VPS53: variants seen among roughly 807,000 people sequenced by gnomAD.
The protein encoded by VPS53 is vacuolar protein sorting-associated protein 53 homolog.
A neutral mutation model predicts 107.0 loss-of-function variants in VPS53; 70 were observed. The observed-to-expected ratio is 0.65, with a 90% confidence interval of 0.54 to 0.80. The LOEUF is 0.80. Among genes scored for constraint, VPS53 ranks in the 30% least tolerant of loss-of-function variants. VPS53 has a pLI of 0.00. For synonymous variants in VPS53, 409 were observed against 393.3 expected (o/e 1.04, Z -0.47); for missense variants, 917 against 1,049.4 (o/e 0.87, Z 1.74).
At chr17:624,460 G>A (rs1365588023) in intron 10 of VPS53, among the ~76,000 whole-genome samples, 1 of 152,210 alleles carries the variant, frequency 6.6e-6, no homozygotes, top group East Asian at 1.9e-4. Context: ...CATCTCAGAA[G>A]CTCAGTTGCT....
chr17:629,479 T>C (rs1466511494), intron 8 of VPS53, among the ~76,000 whole-genome samples: 2 of 152,110 alleles, frequency 1.3e-5, no homozygotes, highest in Non-Finnish European at 2.9e-5. Flanking sequence ...AAAACTAGGC[T>C]GGGAGCGGTG....
intron 17 of VPS53, among the ~76,000 whole-genome samples, chr17:542,642 CAATT>C (rs910327715): frequency 2.0e-5 from 3 of 152,046 alleles, no homozygotes; most frequent in Admixed American, 2.0e-4. Context: ...AGATATGTAT[CAATT>C]AATTGAAATT....
chr17:525,707 A>G (rs1322147409), intron 19 of VPS53, among the ~76,000 whole-genome samples: 1 of 151,538 alleles, frequency 6.6e-6, no homozygotes, highest in Non-Finnish European at 1.5e-5. Context: ...AGAAAAGAAA[A>G]AAAAAATGGG....
intron 13 of VPS53, among the ~76,000 whole-genome samples, chr17:566,246 C>A (rs544227732): frequency 6.1e-4 from 93 of 152,126 alleles, no homozygotes; most frequent in Non-Finnish European, 1.0e-3. Context: ...TATCTTCTCC[C>A]ATCCTGGGCC....
intron 8 of VPS53, among the ~76,000 whole-genome samples, chr17:629,410 C>T (rs1435561977): frequency 6.6e-6 from 1 of 152,164 alleles, no homozygotes; most frequent in African/African-American, 2.4e-5. Context: ...TTAATTCCCA[C>T]TTGTGAAATG....
chr17:585,844 T>C (rs1967282993), intron 13 of VPS53, among the ~76,000 whole-genome samples: 1 of 152,226 alleles, frequency 6.6e-6, no homozygotes, highest in Non-Finnish European at 1.5e-5. Flanking sequence ...GAGGAGGGCA[T>C]GTGAAAATTT....
chr17:644,775 G>A (rs543419298), intron 7 of VPS53, among the ~76,000 whole-genome samples: 1 of 152,026 alleles, frequency 6.6e-6, no homozygotes, highest in African/African-American at 2.4e-5. Flanking sequence ...GTAGAGACAG[G>A]GTTTCACCAT....
At chr17:561,406 T>C (rs1049011713) in intron 14 of VPS53, among the ~76,000 whole-genome samples, 1 of 152,180 alleles carries the variant, frequency 6.6e-6, no homozygotes, top group African/African-American at 2.4e-5. Flanking sequence ...AGTATGCCAT[T>C]TTTTTCTGCT....
chr17:610,753 T>TAAAAAAA (rs34089454), intron 11 of VPS53, among the ~76,000 whole-genome samples: 2 of 128,890 alleles, frequency 1.6e-5, no homozygotes, highest in African/African-American at 2.9e-5. Flanking sequence ...CCGCCTCTAC[T>TAAAAAAA]AAAAAAAAAA....
At chr17:660,024 C>A (rs558766764) in intron 5 of VPS53, among the ~76,000 whole-genome samples, 2 of 152,138 alleles carry the variant, frequency 1.3e-5, no homozygotes, top group Non-Finnish European at 2.9e-5. Flanking sequence ...ATGGTTGATT[C>A]GCCTCAACTG....
At chr17:542,250 A>G (rs1176305228) in intron 17 of VPS53, among the ~76,000 whole-genome samples, 5 of 152,220 alleles carry the variant, frequency 3.3e-5, no homozygotes, top group African/African-American at 1.2e-4. Context: ...ATAAATGAGG[A>G]TGAAACAGGA....
rs574574327 is a variant in VPS53, at chr17:713,777, C to T, written c.87+846G>A. ...AGGCAGGGCCGCGCGTGGTGGCTCA[C>T]GCCTGTAATCCCAGCACTTTGGGAG... On this transcript the variant is annotated intron_variant, in intron 1 of 21. Transcript: ENST00000437048. 1.2e-4 allele frequency among the ~76,000 whole-genome samples: 18 copies of T among 152,156 alleles called. No individual in the cohort carries two copies. In the South Asian group the frequency reaches 3.5e-3, roughly 30 times the overall value.
chr17:620,276 G>T (rs765094832), intron 11 of VPS53, among the ~76,000 whole-genome samples: 2 of 152,186 alleles, frequency 1.3e-5, no homozygotes, highest in African/African-American at 2.4e-5. Context: ...AGGCCAGCCC[G>T]ATTCACCTGC....
chr17:622,615 G>C (rs1451741222), intron 11 of VPS53, among the ~76,000 whole-genome samples: 1 of 152,202 alleles, frequency 6.6e-6, no homozygotes, highest in African/African-American at 2.4e-5. Flanking sequence ...AATTACCATA[G>C]AACAGAGTCA....
At chr17:592,736 G>C (rs556979365) in intron 12 of VPS53, among the ~76,000 whole-genome samples, 1 of 152,310 alleles carries the variant, frequency 6.6e-6, no homozygotes, top group Admixed American at 6.5e-5. Context: ...CTGGCTTGTA[G>C]AGTTTCTGCC....
intron 13 of VPS53, among the ~76,000 whole-genome samples, chr17:581,202 C>T (rs1236416064): frequency 1.3e-5 from 2 of 151,856 alleles, no homozygotes; most frequent in African/African-American, 4.8e-5. Context: ...AATGCATTCC[C>T]ACAGATCTTC....
intron 15 of VPS53, among the ~76,000 whole-genome samples, chr17:559,855 T>C (rs1332501538): frequency 1.3e-5 from 2 of 152,258 alleles, no homozygotes; most frequent in African/African-American, 4.8e-5. Flanking sequence ...GTCTTCCTTC[T>C]GCTCCATCAG....
Position 657,994 on chromosome 17 carries a change from T to G in VPS53, c.373-2041A>C, listed in dbSNP as rs112904755. On this transcript the variant is annotated intron_variant, in intron 5 of 21. Coordinates refer to ENST00000437048, the MANE Select transcript of VPS53 (RefSeq NM_001128159.3). ...CGTGGATAGATACATCCCACTAAAG[T>G]GAGATACTCGGCCGTGAGTTCGTGG... 4.9e-3 allele frequency among the ~76,000 whole-genome samples: 643 copies of G among 132,066 alleles called. 9 individuals carry two copies. The highest frequency in any genetic ancestry group is 0.018 in the African/African-American group (603 of 33,526). The allele number at this position is 132,066 out of a possible 152,430, so 86.6% of individuals were successfully genotyped here. A position where few individuals can be genotyped will look rare whatever the true frequency, so the allele number is the denominator to read the frequency against.
chr17:637,629 A>AAAGATACATCT (rs1970251239), intron 7 of VPS53, among the ~76,000 whole-genome samples: 2 of 152,060 alleles, frequency 1.3e-5, no homozygotes, highest in African/African-American at 4.8e-5. Context: ...TCTTGTTCTC[A>AAAGATACATCT]TTGGTTTCAA....
Sources: allele counts gnomAD v4.1 joint callset (sites outside exome capture counted in the v4.1 genomes callset), GRCh38; gene constraint gnomAD v4.1.1; transcripts MANE v1.5; gene names NCBI Gene and HGNC (gene_info 2026-07-23, HGNC 2026-07-21).